Variants in SKA3 observed in about 807,000 individuals in gnomAD.
The protein encoded by SKA3 is spindle and kinetochore-associated protein 3.
A neutral mutation model predicts 44.2 loss-of-function variants in SKA3; 39 were observed. That is an observed-to-expected ratio of 0.88 (90% CI 0.68 to 1.15). The LOEUF is 1.15. Among genes scored for constraint, SKA3 ranks in the 50% most tolerant of loss-of-function variants. The probability of loss-of-function intolerance (pLI) is 0.00; values close to 1 mark genes in which losing one functional copy is unlikely to be tolerated. For missense variants in SKA3, 511 were observed against 485.8 expected (o/e 1.05, Z -0.49); for synonymous variants, 192 against 172.0 (o/e 1.12, Z -0.91).
chr13:21,176,376 G>C lies in SKA3; in HGVS notation c.102C>G (p.Ser34Arg). ...GCCCTGGCCGCCCGCCTCACGCACC[G>C]CTTTCCTCTCCGTCCAGCGCTCGCT... ...RLQRALDGEESDFEDYPMRIL... is the reference protein window; with the variant it reads ...RLQRALDGEERDFEDYPMRIL... The change falls in exon 1 of 9, where the codon AGC becomes AGG. Residue 34 changes from serine (S) to arginine (R), a missense_variant and splice_region_variant. Coordinates refer to ENST00000314759, the MANE Select transcript of SKA3 (RefSeq NM_145061.6). 1 of 1,565,206 alleles carries C rather than the reference G, an allele frequency of 6.4e-7. No homozygotes were observed. Among genetic ancestry groups the C allele is most frequent in the Non-Finnish European group, 8.7e-7 (1 of 1,155,902 alleles).
At chr13:21,165,705 C>T (rs548157332) in intron 4 of SKA3, among the ~76,000 whole-genome samples, 1 of 152,150 alleles carries the variant, frequency 6.6e-6, no homozygotes, top group South Asian at 2.1e-4. Context: ...GAGGCTGAGA[C>T]AGGTGGATTA....
In SKA3 at chr13:21,176,409, G is replaced by A. The variant is rs1475895757; in HGVS notation, c.69C>T (p.Ala23=). ...SLASTLDCET[A]RLQRALDGEE... is the part of the protein sequence containing the mutation. ...CTCCGTCCAGCGCTCGCTGCAGCCG[G>A]GCCGTCTCGCAGTCCAGCGTGCTGG... Residue 23 remains alanine (A), a synonymous_variant, in exon 1 of 9, where the codon GCC becomes GCT. Coordinates refer to ENST00000314759, the MANE Select transcript of SKA3 (RefSeq NM_145061.6). 7 of 1,582,060 alleles carry A rather than the reference G, an allele frequency of 4.4e-6. No homozygotes were observed. Among genetic ancestry groups the A allele is most frequent in the Non-Finnish European group, 6.0e-6 (7 of 1,165,098 alleles).
In SKA3 at chr13:21,170,326, C is replaced by T. The variant is rs139752868; in HGVS notation, c.332-1927G>A. Reference sequence around the variant, plus strand: ...TAATGAGTAGCTGGGATTACAGGCACACGCCACCACACCCAGCTAATTTTC... The same window carrying T: ...TAATGAGTAGCTGGGATTACAGGCATACGCCACCACACCCAGCTAATTTTC... On this transcript the variant is annotated intron_variant, in intron 3 of 8. Coordinates refer to ENST00000314759, the MANE Select transcript of SKA3 (RefSeq NM_145061.6). Among the ~76,000 whole-genome samples, 1,276 of 151,950 alleles carry T rather than the reference C, an allele frequency of 8.4e-3. 13 individuals are homozygous for T. The highest frequency in any genetic ancestry group is 0.014 in the Non-Finnish European group (933 of 67,952).
chr13:21,159,436 ATGTG>A (rs914118548), intron 6 of SKA3, among the ~76,000 whole-genome samples: 2 of 152,128 alleles, frequency 1.3e-5, no homozygotes, highest in South Asian at 2.1e-4. Flanking sequence ...GTGTATATAT[ATGTG>A]TGTGTGTACA....
At chr13:21,167,420 T>C (rs773921136) in intron 4 of SKA3, among the ~76,000 whole-genome samples, 4 of 152,168 alleles carry the variant, frequency 2.6e-5, no homozygotes, top group Non-Finnish European at 5.9e-5. Context: ...TTATTGATAG[T>C]ATTGGTGATT....
At chr13:21,175,408 C>G (rs564316730) in intron 1 of SKA3, among the ~76,000 whole-genome samples, 1 of 151,780 alleles carries the variant, frequency 6.6e-6, no homozygotes, top group African/African-American at 2.4e-5. Flanking sequence ...TCCCGAGTAG[C>G]TGGGACTACC....
At chr13:21,166,021 A>G (rs936933686) in intron 4 of SKA3, among the ~76,000 whole-genome samples, 1 of 151,762 alleles carries the variant, frequency 6.6e-6, no homozygotes, top group Non-Finnish European at 1.5e-5. Flanking sequence ...TTGTTATCTG[A>G]TAACTTTTTT....
At chr13:21,175,582 G>C (rs1365867597) in intron 1 of SKA3, among the ~76,000 whole-genome samples, 1 of 152,160 alleles carries the variant, frequency 6.6e-6, no homozygotes, top group Non-Finnish European at 1.5e-5. Context: ...GGCAGAAATA[G>C]ACATTTTCAA....
In SKA3 at chr13:21,172,216, A is replaced by C. The variant is rs138357567; in HGVS notation, c.331+123T>G. ...GTGAGAGTTGACTAAATATTTATCA[A>C]ATAAGCGTCAGATAACAACAGAGCT... On this transcript the variant is annotated intron_variant, in intron 3 of 8. Coordinates refer to ENST00000314759, the MANE Select transcript of SKA3 (RefSeq NM_145061.6). 10 of 625,898 alleles carry C rather than the reference A, an allele frequency of 1.6e-5. No homozygotes were observed. The African/African-American group carries it at 1.9e-4, about 12-fold the overall frequency. The allele number at this position is 625,898 out of a possible 1,614,324, so 38.8% of individuals were successfully genotyped here. A position where few individuals can be genotyped will look rare whatever the true frequency, so the allele number is the denominator to read the frequency against.
intron 3 of SKA3, 199 bp downstream of exon 3, chr13:21,172,140 G>T: frequency 2.9e-6 from 1 of 349,000 alleles, no homozygotes; most frequent in Non-Finnish European, 5.1e-6. Flanking sequence ...GGAGAACAAG[G>T]ACTGTTTTTA....
In SKA3 at chr13:21,172,465, T is replaced by C; in HGVS notation, c.205A>G (p.Asn69Asp). The change falls in exon 3 of 9, where the codon AAT becomes GAT. Residue 69 changes from asparagine to aspartate, a missense_variant. Physicochemically the swap from Asn to Asp is conservative, Grantham distance 23. Transcript: ENST00000314759. ...NILLDKARLE[N>D]QEGIDFIKAT... ...TTTATGAAATCAATGCCTTCTTGAT[T>C]TTCCAATCTTGCTTTATCAAGAAGA... is the stretch of plus-strand genomic sequence containing the variant. 6.3e-7 allele frequency: 1 copy of C among 1,590,584 alleles called. No individual in the cohort carries two copies. The highest frequency in any genetic ancestry group is 8.5e-7 in the Non-Finnish European group (1 of 1,171,380).
intron 4 of SKA3, among the ~76,000 whole-genome samples, 195 bp downstream of exon 4, chr13:21,167,792 CA>C (rs939317059): frequency 1.4e-5 from 2 of 146,450 alleles, no homozygotes; most frequent in African/African-American, 2.5e-5. Context: ...AAAAAAAAAC[CA>C]AAAAAAAACT....
chr13:21,171,941 A>T (rs1871078911), intron 3 of SKA3, among the ~76,000 whole-genome samples: 1 of 152,242 alleles, frequency 6.6e-6, no homozygotes, highest in Non-Finnish European at 1.5e-5. Flanking sequence ...TCTATAGAAG[A>T]GAACACTGTG....
At position 21,172,625 on chromosome 13, in the gene SKA3, G is replaced by C; in HGVS notation, c.160C>G (p.Leu54Val). 6.3e-7 allele frequency: 1 copy of C among 1,583,342 alleles called. No individual in the cohort carries two copies. The highest frequency in any genetic ancestry group is 8.6e-7 in the Non-Finnish European group (1 of 1,162,822). ...LYDLHSEVQT[L>V]KDDVNILLDK... ...CAATATTGTAGGAGTGATACCTTTA[G>C]AGTCTGAACTTCTGAATGAAGGTCA... Residue 54 changes from leucine (L) to valine (V), a missense_variant, in exon 2 of 9, where the codon CTA becomes GTA. Leu to Val is a conservative substitution (Grantham distance 32). Coordinates refer to ENST00000314759, the MANE Select transcript of SKA3 (RefSeq NM_145061.6).
chr13:21,168,463 C>G, intron 3 of SKA3, 64 bp from the exon 4 acceptor site: 1 of 1,211,084 alleles, frequency 8.3e-7, no homozygotes, highest in Non-Finnish European at 1.1e-6. Flanking sequence ...TTTACAAAAA[C>G]AACAGAAAAC....
At chr13:21,163,471 G>A (rs1038815331) in intron 4 of SKA3, among the ~76,000 whole-genome samples, 20 of 151,936 alleles carry the variant, frequency 1.3e-4, no homozygotes, top group African/African-American at 4.8e-4. Flanking sequence ...TTTCATAAAG[G>A]CTTTTATATA....
At chr13:21,176,120 G>A (rs1414926169) in intron 1 of SKA3, among the ~76,000 whole-genome samples, 2 of 152,208 alleles carry the variant, frequency 1.3e-5, no homozygotes, top group Non-Finnish European at 2.9e-5. Flanking sequence ...TATCTCAAGA[G>A]AGCCGTGGGG....
chr13:21,165,414 C>A (rs1179974973), intron 4 of SKA3, among the ~76,000 whole-genome samples: 1 of 151,454 alleles, frequency 6.6e-6, no homozygotes, highest in Non-Finnish European at 1.5e-5. Flanking sequence ...AGACTAAGAA[C>A]CTGTCTCTAA....
At chr13:21,158,576 G>C (rs546658221) in intron 6 of SKA3, among the ~76,000 whole-genome samples, 1 of 152,072 alleles carries the variant, frequency 6.6e-6, no homozygotes, top group Non-Finnish European at 1.5e-5. Context: ...AGCCAAGATC[G>C]CGCCACTGCA....
Sources: allele counts gnomAD v4.1 joint callset (sites outside exome capture counted in the v4.1 genomes callset), GRCh38; gene constraint gnomAD v4.1.1; transcripts MANE v1.5; gene names NCBI Gene and HGNC (gene_info 2026-07-23, HGNC 2026-07-21).